Variants in CBLN2 observed in about 807,000 individuals in gnomAD.
CBLN2 encodes cerebellin-2.
A neutral mutation model predicts 15.0 loss-of-function variants in CBLN2; 7 were observed. The ratio of observed to expected loss-of-function variants is 0.47; its 90% CI spans 0.27 to 0.88. CBLN2 has a LOEUF of 0.88. CBLN2 is among the 40% of genes least tolerant of loss of function. The pLI, the probability that CBLN2 is intolerant of heterozygous loss-of-function variation, is 0.14. For missense variants in CBLN2, 242 were observed against 304.5 expected, an observed-to-expected ratio of 0.79 and a Z score of 1.53; for synonymous variants, 149 against 135.2, an observed-to-expected ratio of 1.10 and a Z score of -0.71.
chr18:72,571,739 G>A (rs1414519825), intron 1 of CBLN2, among the ~76,000 whole-genome samples: 1 of 152,180 alleles, frequency 6.6e-6, no homozygotes, highest in Non-Finnish European at 1.5e-5. Flanking sequence ...CATTTGAGCT[G>A]AATGTTGGCC....
At chr18:72,571,855 T>G (rs1349053638) in intron 1 of CBLN2, among the ~76,000 whole-genome samples, 2 of 152,210 alleles carry the variant, frequency 1.3e-5, no homozygotes, top group African/African-American at 4.8e-5. Context: ...GACGATTTTT[T>G]TTGATATATT....
chr18:72,587,950 AT>A (rs1275451417), intron 1 of CBLN2, among the ~76,000 whole-genome samples: 1 of 152,210 alleles, frequency 6.6e-6, no homozygotes, highest in African/African-American at 2.4e-5. Context: ...GTCCCTGAAC[AT>A]TAGCCAAGTC....
intron 1 of CBLN2, among the ~76,000 whole-genome samples, chr18:72,555,631 TA>T (rs1426520488): frequency 1.3e-5 from 2 of 152,234 alleles, no homozygotes; most frequent in African/African-American, 4.8e-5. Flanking sequence ...TAAGCATTTT[TA>T]AAATGTACTT....
At chr18:72,593,724 T>A (rs1414292597) in intron 1 of CBLN2, among the ~76,000 whole-genome samples, 1 of 152,214 alleles carries the variant, frequency 6.6e-6, no homozygotes, top group African/African-American at 2.4e-5. Context: ...TGAAGGCATG[T>A]TGAATTTTAT....
chr18:72,594,150 G>A (rs1196497312), intron 1 of CBLN2, among the ~76,000 whole-genome samples: 2 of 152,114 alleles, frequency 1.3e-5, no homozygotes, highest in African/African-American at 2.4e-5. Context: ...AGGGCTAGGG[G>A]AGGGATAACA....
intron 1 of CBLN2, among the ~76,000 whole-genome samples, chr18:72,636,706 A>C (rs116570978): frequency 9.4e-4 from 143 of 152,330 alleles, no homozygotes; most frequent in African/African-American, 3.2e-3. Flanking sequence ...ATATACAATA[A>C]AACATTTAGA....
Position 72,542,218 on chromosome 18 carries a change from G to T in CBLN2, c.-58C>A. ...AGGCCGGCGCCGGCGCGAGCGGCGC[G>T]GAAGGGCGCGAAGGAACGCGCGGAG... On this transcript the variant is annotated 5_prime_UTR_variant, in exon 3 of 5. Transcript: ENST00000269503. The T allele has an allele frequency of 1.8e-6, 2 of 1,124,372 alleles. No homozygotes were observed. Among genetic ancestry groups the T allele is most frequent in the African/African-American group, 1.6e-5 (1 of 60,784 alleles). 69.6% of individuals were successfully genotyped at this position (1,124,372 alleles called of 1,614,324 possible). A position where few individuals can be genotyped will look rare whatever the true frequency, so the allele number is the denominator to read the frequency against.
chr18:72,546,324 C>T (rs2069157848), upstream of CBLN2, among the ~76,000 whole-genome samples: 1 of 151,940 alleles, frequency 6.6e-6, no homozygotes, highest in Non-Finnish European at 1.5e-5. Flanking sequence ...GTAGTCCCAG[C>T]TACTCGGGAG....
At chr18:72,617,041 T>C (rs1266634168) in intron 1 of CBLN2, among the ~76,000 whole-genome samples, 1 of 152,168 alleles carries the variant, frequency 6.6e-6, no homozygotes, top group Non-Finnish European at 1.5e-5. Context: ...TCTCAGAAAT[T>C]AAGAAAATTG....
chr18:72,631,475 AT>A (rs2069776211), intron 1 of CBLN2, among the ~76,000 whole-genome samples: 1 of 152,078 alleles, frequency 6.6e-6, no homozygotes, highest in Non-Finnish European at 1.5e-5. Flanking sequence ...ATCTCAACTT[AT>A]AAAATTATTC....
chr18:72,635,019 C>A (rs1020568099), intron 1 of CBLN2, among the ~76,000 whole-genome samples: 1 of 151,982 alleles, frequency 6.6e-6, no homozygotes, highest in Non-Finnish European at 1.5e-5. Flanking sequence ...AGTGTTAGTG[C>A]TTTCCTGAGG....
chr18:72,590,325 T>C (rs1269350226), intron 1 of CBLN2, among the ~76,000 whole-genome samples: 3 of 152,028 alleles, frequency 2.0e-5, no homozygotes, highest in Non-Finnish European at 4.4e-5. Context: ...CAGGCACTTT[T>C]AATCCCAGCT....
In CBLN2 at chr18:72,636,023, G is replaced by T. The variant is rs145871374; in HGVS notation, c.15+2302C>A. Among the ~76,000 whole-genome samples, 1,077 of 152,180 alleles carry T rather than the reference G, an allele frequency of 7.1e-3. 12 individuals carry two copies. Among genetic ancestry groups the T allele is most frequent in the African/African-American group, 0.024 (995 of 41,532 alleles). ...ATGTTATTTATTTTTAAAGTTTGAT[G>T]TTCACAGTGAAAAAGAAAAATCACC... On this transcript the variant is annotated intron_variant, in intron 1 of 2. Coordinates refer to the CBLN2 transcript ENST00000581073.
At chr18:72,565,336 A>T (rs992749548) in intron 1 of CBLN2, among the ~76,000 whole-genome samples, 2 of 152,148 alleles carry the variant, frequency 1.3e-5, no homozygotes, top group African/African-American at 4.8e-5. Context: ...ATATATTACA[A>T]TATGTAATAC....
chr18:72,554,305 T>A (rs934334150), intron 1 of CBLN2, among the ~76,000 whole-genome samples: 11 of 152,220 alleles, frequency 7.2e-5, no homozygotes, highest in Non-Finnish European at 1.0e-4. Flanking sequence ...GAATAATTTT[T>A]AAGAGAAAAA....
At chr18:72,609,974 T>C (rs540567245) in intron 1 of CBLN2, among the ~76,000 whole-genome samples, 13 of 152,120 alleles carry the variant, frequency 8.5e-5, no homozygotes, top group Non-Finnish European at 1.9e-4. Context: ...CTCGCTGCCA[T>C]CCTGTGTGTA....
chr18:72,562,957 A>G (rs1301418054), intron 1 of CBLN2, among the ~76,000 whole-genome samples: 1 of 152,246 alleles, frequency 6.6e-6, no homozygotes, highest in Non-Finnish European at 1.5e-5. Flanking sequence ...TTCCTTTTCC[A>G]TTTTAGCGAG....
chr18:72,615,792 A>C (rs2069657641), intron 1 of CBLN2, among the ~76,000 whole-genome samples: 1 of 152,172 alleles, frequency 6.6e-6, no homozygotes, highest in Non-Finnish European at 1.5e-5. Flanking sequence ...GATGCACTCT[A>C]ACTGATAATT....
chr18:72,586,780 TC>T lies in CBLN2; in HGVS notation c.16-48009del, dbSNP rs559521991. 1.6e-3 allele frequency among the ~76,000 whole-genome samples: 240 copies of T among 152,258 alleles called. 1 individual carries two copies. Among genetic ancestry groups the T allele is most frequent in the African/African-American group, 5.1e-3 (214 of 41,566 alleles). ...TTACCATATAAATAGGCATTAACTA[TC>T]TAAGAGAATTCTCCAACACAAAATA... On this transcript the variant is annotated intron_variant, in intron 1 of 2. Coordinates refer to the CBLN2 transcript ENST00000581073.
Sources: gnomAD v4.1 joint callset for allele counts (sites outside exome capture counted in the v4.1 genomes callset) on GRCh38, gnomAD v4.1.1 for gene constraint, MANE v1.5 for transcripts, NCBI Gene and HGNC (gene_info 2026-07-23, HGNC 2026-07-21) for gene names.